The following AHNAK2 variants were observed in gnomAD, a reference collection of about 807,000 sequenced individuals.
AHNAK2 encodes protein AHNAK2.
In AHNAK2, 18 loss-of-function variants were observed where a neutral mutation model predicts 30.7. That is an observed-to-expected ratio of 0.59 (90% CI 0.41 to 0.87). The LOEUF (loss-of-function observed/expected upper bound fraction) is 0.87. AHNAK2 is among the 40% of genes least tolerant of loss of function. The pLI, the probability that AHNAK2 is intolerant of heterozygous loss-of-function variation, is 0.00. For synonymous variants in AHNAK2, 3,590 were observed against 3,073.8 expected, an observed-to-expected ratio of 1.17 and a Z score of -5.56; for missense variants, 8,604 against 7,373.0, an observed-to-expected ratio of 1.17 and a Z score of -6.11.
At chr14:104,961,241 A>G (rs113837512) in intron 1 of AHNAK2, among the ~76,000 whole-genome samples, 11,844 of 152,186 alleles carry the variant, frequency 0.078, 639 homozygotes, top group Middle Eastern at 0.14. Flanking sequence ...TGGGCCGGGC[A>G]CGGTGGCTCA....
At chr14:104,972,464 A>G (rs1899492340) in intron 1 of AHNAK2, among the ~76,000 whole-genome samples, 1 of 152,194 alleles carries the variant, frequency 6.6e-6, no homozygotes, top group Admixed American at 6.5e-5. Flanking sequence ...ACGCTGGCAC[A>G]GAGCGGGGCC....
At position 104,954,435 on chromosome 14, in the gene AHNAK2, G is replaced by T. The variant is rs376966044; in HGVS notation, c.1016C>A (p.Thr339Lys). 6.2e-7 allele frequency: 1 copy of T among 1,612,632 alleles called. No homozygotes were observed. The highest frequency in any genetic ancestry group is 8.5e-7 in the Non-Finnish European group (1 of 1,179,566). The change falls in exon 7 of 7, where the codon ACA becomes AAA. Residue 339 changes from threonine to lysine, a missense_variant. Physicochemically the swap from Thr to Lys is moderately conservative, Grantham distance 78 (BLOSUM62 -1). Coordinates refer to ENST00000333244, the MANE Select transcript of AHNAK2 (RefSeq NM_138420.4). This position sits in a 1 kb window ranked among gnomAD's most constrained non-coding sequence, Gnocchi z 4.3. ...RTGSGQGPSS[T>K]GQPGRGFQSG... Reference sequence around the variant, plus strand: ...CTGGAACCCCCTGCCTGGCTGTCCTGTCGATGAAGGGCCCTGTCCCGAGCC... The same window carrying T: ...CTGGAACCCCCTGCCTGGCTGTCCTTTCGATGAAGGGCCCTGTCCCGAGCC...
In AHNAK2 at chr14:104,942,388, G is replaced by C. The variant is rs531842192; in HGVS notation, c.13063C>G (p.Leu4355Val). 7 of 1,613,124 alleles carry C rather than the reference G, an allele frequency of 4.3e-6. No homozygotes were observed. In the Admixed American group the frequency reaches 5.0e-5, roughly 12 times the overall value. ...HLSIQPPSAD[L>V]EVQAGQEDVK... ...TCCTCTTGGCCAGCCTGGACCTCCA[G>C]ATCAGCGGAAGGGGGCTGAATGCTG... The change falls in exon 7 of 7, where the codon CTG becomes GTG. Residue 4355 changes from leucine to valine, a missense_variant. Physicochemically the swap from Leu to Val is conservative, Grantham distance 32. Transcript: ENST00000333244.
Position 104,938,194 on chromosome 14 carries a change from G to GC in AHNAK2, c.17256dup (p.Pro5753AlafsTer30), listed in dbSNP as rs759412438. 1 of 1,613,894 alleles carries GC rather than the reference G, an allele frequency of 6.2e-7. No individual in the cohort carries two copies. Among genetic ancestry groups the GC allele is most frequent in the African/African-American group, 1.3e-5 (1 of 75,030 alleles). Reference sequence around the variant, plus strand: ...CTGGAGTCCAGCCCAGTGCCCACAGGCCCGATCAGTTCACCCTCTTCCTTC... The same window carrying GC: ...CTGGAGTCCAGCCCAGTGCCCACAGGCCCCGATCAGTTCACCCTCTTCCTTC... On this transcript the variant is annotated frameshift_variant, in exon 7 of 7. Coordinates refer to ENST00000333244, the MANE Select transcript of AHNAK2 (RefSeq NM_138420.4). LOFTEE classifies it low-confidence loss of function (END_TRUNC).
Position 104,957,443 on chromosome 14 carries a change from T to C in AHNAK2, c.180A>G (p.Glu60=). ...CAAAGTCGGCAGCCTCAGTCGTGTATTCGTAGACAGGTGAAGACCCCTGCG... is the reference window on the plus strand; with the variant it reads ...CAAAGTCGGCAGCCTCAGTCGTGTACTCGTAGACAGGTGAAGACCCCTGCG... ...PRPQGSSPVY[E]YTTEAADFGL... Residue 60 remains glutamate (E), a synonymous_variant, in exon 3 of 7, where the codon GAA becomes GAG. Coordinates refer to ENST00000333244, the MANE Select transcript of AHNAK2 (RefSeq NM_138420.4). The C allele has an allele frequency of 6.3e-7, 1 of 1,599,016 alleles. No homozygotes were observed. The highest frequency in any genetic ancestry group is 8.6e-7 in the Non-Finnish European group (1 of 1,169,234).
In AHNAK2 at chr14:104,951,882, G is replaced by T. The variant is rs200479180; in HGVS notation, c.3569C>A (p.Ala1190Glu). 3,206 of 1,607,998 alleles carry T rather than the reference G, an allele frequency of 2.0e-3. 93 individuals are homozygous for T. The highest frequency in any genetic ancestry group is 0.014 in the African/African-American group (1,066 of 73,644). Residue 1190 changes from alanine to glutamate, a missense_variant, in exon 7 of 7, where the codon GCA becomes GAA. Physicochemically the swap from Ala to Glu is moderately radical, Grantham distance 107. Transcript: ENST00000333244. Reference protein sequence around the residue: ...KSIEASVDVSAPKVEADVSLP... With the variant: ...KSIEASVDVSEPKVEADVSLP... ...ACTCACGTCGGCCTCCACTTTGGGT[G>T]CAGACACATCCACCGAGGCCTCGAT...
chr14:104,976,059 C>T (rs1260625840), intron 1 of AHNAK2, among the ~76,000 whole-genome samples: 1 of 150,788 alleles, frequency 6.6e-6, no homozygotes, highest in South Asian at 2.1e-4. Context: ...CTTGGGGGGT[C>T]GTGGGAGGTG....
Position 104,947,725 on chromosome 14 carries a change from TC to T in AHNAK2, c.7725del (p.Met2576CysfsTer11). ...GGGCCCTTGAGGTCCATTTCAGGCA[TC>T]TTGAAACTGGGCATCTGCACCTTGG... ...HLPKVQMPSF[K>X]MPEMDLKGPQ... On this transcript the variant is annotated frameshift_variant, in exon 7 of 7. Transcript: ENST00000333244. LOFTEE classifies it low-confidence loss of function (END_TRUNC). 1.2e-6 allele frequency: 2 copies of T among 1,612,256 alleles called. No individual in the cohort carries two copies. Among genetic ancestry groups the T allele is most frequent in the Non-Finnish European group, 1.7e-6 (2 of 1,179,500 alleles).
In AHNAK2 at chr14:104,940,164, C is replaced by T. The variant is rs1319337338; in HGVS notation, c.15287G>A (p.Ser5096Asn). The T allele has an allele frequency of 7.4e-6, 12 of 1,613,556 alleles. No individual in the cohort carries two copies. Among genetic ancestry groups the T allele is most frequent in the Non-Finnish European group, 1.0e-5 (12 of 1,179,890 alleles). ...NLHRPQVHIP[S>N]LGFAKPDLRS... ...GAGATCAGGTTTGGCAAAGCCCAAA[C>T]TGGGAATGTGGACCTGTGGCCGGTG... The change falls in exon 7 of 7, where the codon AGT (serine) becomes AAT (asparagine). Residue 5096 changes from serine (S) to asparagine (N), a missense_variant. Coordinates refer to ENST00000333244, the MANE Select transcript of AHNAK2 (RefSeq NM_138420.4). This position sits in a 1 kb window ranked among gnomAD's most constrained non-coding sequence, Gnocchi z 4.4.
chr14:104,952,440 T>C lies in AHNAK2; in HGVS notation c.3011A>G (p.Lys1004Arg), dbSNP rs1898787368. Reference sequence around the variant, plus strand: ...GGCCGATACCCCGAACGACGGCATCTTGAACTTGGGCATTTTGAACTTGCT... The same window carrying C: ...GGCCGATACCCCGAACGACGGCATCCTGAACTTGGGCATTTTGAACTTGCT... ...KDSKFKMPKFKMPSFGVSAPG... is the reference protein window; with the variant it reads ...KDSKFKMPKFRMPSFGVSAPG... Residue 1004 changes from lysine (K) to arginine (R), a missense_variant, in exon 7 of 7, where the codon AAG becomes AGG. By Grantham distance (26) the Lys-to-Arg change is conservative. Transcript: ENST00000333244. The C allele has an allele frequency of 6.2e-7, 1 of 1,612,644 alleles. No individual in the cohort carries two copies. The highest frequency in any genetic ancestry group is 8.5e-7 in the Non-Finnish European group (1 of 1,179,538).
chr14:104,950,636 C>A lies in AHNAK2; in HGVS notation c.4815G>T (p.Leu1605=). 6.3e-7 allele frequency: 1 copy of A among 1,585,424 alleles called. No individual in the cohort carries two copies. The highest frequency in any genetic ancestry group is 8.6e-7 in the Non-Finnish European group (1 of 1,162,284). Residue 1605 remains leucine, a synonymous_variant, in exon 7 of 7, where the codon CTG becomes CTT. Coordinates refer to ENST00000333244, the MANE Select transcript of AHNAK2 (RefSeq NM_138420.4). ...CTGTCACTTCCACCTTGGGGCCTTT[C>A]AGGTCCAGCTTGGGGCCCTTAACAT... ...QIDVKGPKLD[L]KGPKVEVTAP...
At position 104,950,705 on chromosome 14, in the gene AHNAK2, G is replaced by C. The variant is rs750351478; in HGVS notation, c.4746C>G (p.Pro1582=). The change falls in exon 7 of 7, where the codon CCC becomes CCG. Residue 1582 remains proline (P), a synonymous_variant. Transcript: ENST00000333244. ...GGTCCACTTTGGGCATCTTGAAACT[G>C]GGCATCTGCACTTTGGGCAGGTGCC... The part of the protein sequence containing the change: ...LKGHLPKVQM[P]SFKMPKVDLK... 6.3e-7 allele frequency: 1 copy of C among 1,587,906 alleles called. No homozygotes were observed. The highest frequency in any genetic ancestry group is 1.7e-5 in the Admixed American group (1 of 57,528).
chr14:104,940,007 C>T lies in AHNAK2; in HGVS notation c.15444G>A (p.Gly5148=), dbSNP rs1431064769. The T allele has an allele frequency of 1.9e-6, 3 of 1,612,702 alleles. No homozygotes were observed. Among genetic ancestry groups the T allele is most frequent in the Non-Finnish European group, 2.5e-6 (3 of 1,179,854 alleles). ...CTTCAGGTGTGGGGGCTATCCCCTC[C>T]CCACAAGGCTGGCTCACTGGGACAT... ...LGDVPVSQPC[G]EGIAPTPEDP... The change falls in exon 7 of 7, where the codon GGG becomes GGA. Residue 5148 remains glycine (G), a synonymous_variant. Transcript: ENST00000333244. This position sits in a 1 kb window ranked among gnomAD's most constrained non-coding sequence, Gnocchi z 4.4.
In AHNAK2 at chr14:104,949,199, C is replaced by T. The variant is rs781747544; in HGVS notation, c.6252G>A (p.Val2084=). The part of the protein sequence containing the change: ...VEMPSLKMPK[V]DLKGPQVDIK... Reference sequence around the variant, plus strand: ...TGTCCACCTGGGGGCCCTTGAGGTCCACTTTGGGCATCTTCAAACTGGGCA... The same window carrying T: ...TGTCCACCTGGGGGCCCTTGAGGTCTACTTTGGGCATCTTCAAACTGGGCA... The change falls in exon 7 of 7, where the codon GTG becomes GTA. Residue 2084 remains valine, a synonymous_variant. Coordinates refer to ENST00000333244, the MANE Select transcript of AHNAK2 (RefSeq NM_138420.4). 2.9e-5 allele frequency: 31 copies of T among 1,072,962 alleles called. 3 individuals carry two copies. The East Asian group carries it at 6.5e-4, about 23-fold the overall frequency. 66.5% of individuals were successfully genotyped at this position (1,072,962 alleles called of 1,614,324 possible).
rs371425634 is a variant in AHNAK2, at chr14:104,951,521, C to T, written c.3930G>A (p.Leu1310=). Residue 1310 remains leucine (L), a synonymous_variant, in exon 7 of 7, where the codon CTG becomes CTA. Transcript: ENST00000333244. ...TGTCAGCCAGGGACAGGTCCCCGTCCAGCTGTGCGCCATCCAACTTGGCTC... is the reference window on the plus strand; with the variant it reads ...TGTCAGCCAGGGACAGGTCCCCGTCTAGCTGTGCGCCATCCAACTTGGCTC... ...APGAKLDGAQ[L]DGDLSLADKD... is the part of the protein sequence containing the mutation. The T allele has an allele frequency of 4.2e-5, 52 of 1,247,780 alleles. 8 individuals are homozygous for T. In the African/African-American group the frequency reaches 7.2e-4, roughly 17 times the overall value. The allele number at this position is 1,247,780 out of a possible 1,614,324, so 77.3% of individuals were successfully genotyped here.
At position 104,938,921 on chromosome 14, in the gene AHNAK2, C is replaced by T. The variant is rs1897893069; in HGVS notation, c.16530G>A (p.Glu5510=). 6.2e-7 allele frequency: 1 copy of T among 1,613,502 alleles called. No homozygotes were observed. Among genetic ancestry groups the T allele is most frequent in the Non-Finnish European group, 8.5e-7 (1 of 1,179,860 alleles). ...IVRESEIPTS[E]IQTPSYGFSL... ...AAAATCCGTACGAAGGTGTTTGAAT[C>T]TCTGACGTGGGGATCTCTGATTCCC... The change falls in exon 7 of 7, where the codon GAG becomes GAA. Residue 5510 remains glutamate, a synonymous_variant. Transcript: ENST00000333244.
rs201088821 is a variant in AHNAK2, at chr14:104,945,663, G to A, written c.9788C>T (p.Thr3263Met). 312 of 1,581,308 alleles carry A rather than the reference G, an allele frequency of 2.0e-4. 13 individuals carry two copies. Among genetic ancestry groups the A allele is most frequent in the African/African-American group, 2.6e-4 (19 of 72,794 alleles). ...CTGAGACACCTCCACGTCGGGGGCC[G>A]TCACATCCATCTTCGGGCCTTTCAG... The part of the protein sequence containing the change: ...LDLKGPKMDV[T>M]APDVEVSQPS... Residue 3263 changes from threonine (T) to methionine (M), a missense_variant, in exon 7 of 7, where the codon ACG becomes ATG. By Grantham distance (81) the Thr-to-Met change is moderately conservative. Transcript: ENST00000333244.
chr14:104,967,922 G>C lies in AHNAK2; in HGVS notation c.56-10250C>G, dbSNP rs908735226. 2.2e-4 allele frequency among the ~76,000 whole-genome samples: 33 copies of C among 152,300 alleles called. No homozygotes were observed. In the East Asian group the frequency reaches 2.9e-3, roughly 13 times the overall value. On this transcript the variant is annotated intron_variant, in intron 1 of 6. Coordinates refer to ENST00000333244, the MANE Select transcript of AHNAK2 (RefSeq NM_138420.4). ...CTCCTGAGGAAGCCCCGCCTCGGCC[G>C]CAGAGCGCAGGGGAGGCCGCCTTTG...
Position 104,946,714 on chromosome 14 carries a change from C to T in AHNAK2, c.8737G>A (p.Gly2913Ser). 1 of 1,612,602 alleles carries T rather than the reference C, an allele frequency of 6.2e-7. No individual in the cohort carries two copies. Among genetic ancestry groups the T allele is most frequent in the Non-Finnish European group, 8.5e-7 (1 of 1,179,502 alleles). Residue 2913 changes from glycine to serine, a missense_variant, in exon 7 of 7, where the codon GGC (glycine) becomes AGC (serine). By Grantham distance (56) the Gly-to-Ser change is moderately conservative (BLOSUM62 0). Transcript: ENST00000333244. ...GGGCCCTTGACGTCTATCTGGGGGC[C>T]CTTGAGATCCACTTTGGGCATCTTG... The part of the protein sequence containing the change: ...SFKMPKVDLK[G>S]PQIDVKGPKL...
Sources: allele counts gnomAD v4.1 joint callset (sites outside exome capture counted in the v4.1 genomes callset), GRCh38; gene constraint gnomAD v4.1.1; non-coding constraint Gnocchi (gnomAD v3.1); transcripts MANE v1.5; gene names NCBI Gene and HGNC (gene_info 2026-07-23, HGNC 2026-07-21).